AK7: variants seen among roughly 807,000 people sequenced by gnomAD.
The protein encoded by AK7 is adenylate kinase 7.
Under a neutral mutation model 96.6 loss-of-function variants are expected in AK7, and 78 were observed. That is an observed-to-expected ratio of 0.81 (90% confidence interval 0.67 to 0.97). AK7 has a LOEUF of 0.97. AK7 is among the 50% of genes least tolerant of loss of function. The pLI is 0.00. For missense variants in AK7, 855 were observed against 887.9 expected (o/e 0.96, Z 0.47); for synonymous variants, 302 against 317.2 (o/e 0.95, Z 0.51).
At chr14:96,398,837 C>T (rs1890239050) in intron 2 of AK7, 1 of 156,866 alleles carries the variant, frequency 6.4e-6, no homozygotes, top group Admixed American at 6.1e-5. Context: ...CAACACAGTC[C>T]TAGTCCTGAG....
intron 17 of AK7, 30 bp from the exon 18 acceptor site, chr14:96,488,275 A>G: frequency 6.3e-7 from 1 of 1,591,778 alleles, no homozygotes; most frequent in Non-Finnish European, 8.6e-7. Flanking sequence ...TAACTTGTAA[A>G]CTGTTGACTT....
At chr14:96,452,487 G>A (rs1893662456) in intron 10 of AK7, among the ~76,000 whole-genome samples, 1 of 151,734 alleles carries the variant, frequency 6.6e-6, no homozygotes, top group Admixed American at 6.6e-5. Flanking sequence ...CATCACATCT[G>A]GTTAATTTTT....
intron 7 of AK7, 92 bp downstream of exon 7, chr14:96,442,910 G>A: frequency 1.8e-6 from 2 of 1,127,922 alleles, no homozygotes; most frequent in Non-Finnish European, 2.7e-6. Context: ...CTAGTGCTAA[G>A]ACCCTTACAT....
At chr14:96,462,476 C>T (rs375238052) in intron 12 of AK7, among the ~76,000 whole-genome samples, 4 of 152,158 alleles carry the variant, frequency 2.6e-5, no homozygotes, top group Admixed American at 2.0e-4. Context: ...TCTAGCAAAA[C>T]GAGTTTCCCA....
chr14:96,442,889 T>C (rs1316908842), intron 7 of AK7, 71 bp downstream of exon 7: 2 of 1,403,942 alleles, frequency 1.4e-6, no homozygotes, highest in Non-Finnish European at 2.0e-6. Context: ...TAATACTTTT[T>C]GAGCATTTGC....
rs142960845 is a variant in AK7, at chr14:96,457,540, G to A, written c.1228-543G>A. Among the ~76,000 whole-genome samples the A allele has an allele frequency of 3.9e-4, 59 of 152,292 alleles. 1 individual carries two copies. The East Asian group carries it at 0.01, about 26-fold the overall frequency. On this transcript the variant is annotated intron_variant, in intron 11 of 17. Transcript: ENST00000267584. ...AACACTCTACAGGGCTGTCCTCTGA[G>A]ACGGAAGCAGCTTCTGTGGGTTGCC...
chr14:96,453,755 A>G (rs1278471086), intron 10 of AK7, among the ~76,000 whole-genome samples: 1 of 152,166 alleles, frequency 6.6e-6, no homozygotes, highest in Non-Finnish European at 1.5e-5. Context: ...CTCATTGTAA[A>G]TAAATGAATA....
intron 5 of AK7, among the ~76,000 whole-genome samples, chr14:96,436,239 T>C (rs1368073763): frequency 6.6e-5 from 10 of 152,200 alleles, no homozygotes; most frequent in South Asian, 2.1e-4. Context: ...AAGTCTGTCT[T>C]ACAATTTTTA....
rs1298985352 is a variant in AK7 at position 96,483,202 on chromosome 14, G to C, written c.1957G>C (p.Ala653Pro). 9 of 1,605,632 alleles carry C rather than the reference G, an allele frequency of 5.6e-6. No homozygotes were observed. Among genetic ancestry groups the C allele is most frequent in the Non-Finnish European group, 7.7e-6 (9 of 1,176,340 alleles). ...GGCCGTGGAGATGGCAGAGAAGATA[G>C]CTCGCTGGGAGGAGTGGGTGAGTGG... ...QEAVEMAEKI[A>P]RWEEWNKRLE... is the part of the protein sequence containing the mutation. The change falls in exon 16 of 18, where the codon GCT becomes CCT. Residue 653 changes from alanine (A) to proline (P), a missense_variant. By Grantham distance (27) the Ala-to-Pro change is conservative. Transcript: ENST00000267584.
intron 4 of AK7, among the ~76,000 whole-genome samples, chr14:96,419,402 G>T (rs889941937): frequency 3.3e-4 from 51 of 152,318 alleles, no homozygotes; most frequent in African/African-American, 1.2e-3. Flanking sequence ...GGCCAAGGAG[G>T]GGGGATTGCT....
intron 7 of AK7, among the ~76,000 whole-genome samples, chr14:96,444,430 A>G (rs192318838): frequency 1.3e-4 from 20 of 152,330 alleles, no homozygotes; most frequent in Non-Finnish European, 2.1e-4. Flanking sequence ...GCCTGTTAAA[A>G]ACAAGTTATA....
At chr14:96,433,087 C>T (rs898364315) in intron 5 of AK7, among the ~76,000 whole-genome samples, 31 of 152,344 alleles carry the variant, frequency 2.0e-4, no homozygotes, top group African/African-American at 6.7e-4. Flanking sequence ...ACCTTTCTCT[C>T]TGGCTGCCCT....
At position 96,437,849 on chromosome 14, in the gene AK7, A is replaced by T. The variant is rs1294993653; in HGVS notation, c.624A>T (p.Ala208=). The change falls in exon 6 of 18, where the codon GCA becomes GCT. Residue 208 remains alanine, a synonymous_variant. Transcript: ENST00000267584. Reference sequence around the variant, plus strand: ...TTATCTAATAGGCCAGAAAATTTGCAGCATACGTAGTTGCTGCTGGACTCC... The same window carrying T: ...TTATCTAATAGGCCAGAAAATTTGCTGCATACGTAGTTGCTGCTGGACTCC... ...LKFGKKARKF[A]AYVVAAGLQY... 6.2e-7 allele frequency: 1 copy of T among 1,609,278 alleles called. No individual in the cohort carries two copies. Among genetic ancestry groups the T allele is most frequent in the Non-Finnish European group, 8.5e-7 (1 of 1,178,054 alleles).
At chr14:96,397,122 A>G (rs1362545480) in intron 1 of AK7, among the ~76,000 whole-genome samples, 1 of 152,206 alleles carries the variant, frequency 6.6e-6, no homozygotes, top group African/African-American at 2.4e-5. Flanking sequence ...GCTAGTCCAA[A>G]TGGAGATGTA....
At chr14:96,482,656 G>A (rs1895562484) in intron 15 of AK7, among the ~76,000 whole-genome samples, 1 of 152,210 alleles carries the variant, frequency 6.6e-6, no homozygotes, top group East Asian at 1.9e-4. Context: ...TCCTTCTGTA[G>A]AAACCTCTGA....
chr14:96,413,988 G>A (rs1038734756), intron 4 of AK7, among the ~76,000 whole-genome samples: 2 of 152,184 alleles, frequency 1.3e-5, no homozygotes, highest in African/African-American at 2.4e-5. Context: ...TCTTCTTGCC[G>A]ATGATTGGCT....
At chr14:96,392,340 G>A in intron 1 of AK7, 81 bp downstream of exon 1, 1 of 1,313,016 alleles carries the variant, frequency 7.6e-7, no homozygotes, top group Non-Finnish European at 1.1e-6. Context: ...ACCCAGCGAG[G>A]GTCTGCGCCC....
chr14:96,465,792 A>G (rs549684465), intron 12 of AK7, among the ~76,000 whole-genome samples: 131 of 152,184 alleles, frequency 8.6e-4, no homozygotes, highest in Non-Finnish European at 1.3e-3. Flanking sequence ...CAGGCAGATC[A>G]TGAGGTGAGG....
At chr14:96,434,179 T>A (rs1248268802) in intron 5 of AK7, among the ~76,000 whole-genome samples, 1 of 152,224 alleles carries the variant, frequency 6.6e-6, no homozygotes, top group Non-Finnish European at 1.5e-5. Context: ...CCGTCTGGGC[T>A]TGTTTGTACC....
Sources: gnomAD v4.1 joint callset for allele counts (sites outside exome capture counted in the v4.1 genomes callset) on GRCh38, gnomAD v4.1.1 for gene constraint, MANE v1.5 for transcripts, NCBI Gene and HGNC (gene_info 2026-07-23, HGNC 2026-07-21) for gene names.